CDH11: variants seen among roughly 807,000 people sequenced by gnomAD.
CDH11 encodes the protein cadherin 11, also known as cadherin-11.
In CDH11, 11 loss-of-function variants were observed where a neutral mutation model predicts 67.8. The ratio of observed to expected loss-of-function variants is 0.16; its 90% CI spans 0.10 to 0.27. The LOEUF (loss-of-function observed/expected upper bound fraction) is 0.27, where lower values mean the gene tolerates loss of function less well. CDH11 is among the 10% of genes least tolerant of loss of function. CDH11 has a pLI of 1.00. For synonymous variants in CDH11, 419 were observed against 400.0 expected (o/e 1.05, Z -0.57); for missense variants, 847 against 1,031.2 (o/e 0.82, Z 2.45).
Position 64,972,972 on chromosome 16 carries a change from T to C in CDH11, c.1322A>G (p.Lys441Arg), listed in dbSNP as rs1176026912. ...CTCTCTATCCAGAGGTTTTGTAGTT[T>C]TAATAAAACCATCCTCTGGATTAAT... ...FTINPEDGFI[K>R]TTKPLDREET... Residue 441 changes from lysine (K) to arginine (R), a missense_variant, in exon 9 of 13, where the codon AAA (lysine) becomes AGA (arginine). Physicochemically the swap from Lys to Arg is conservative, Grantham distance 26 (BLOSUM62 2). Transcript: ENST00000268603. 6.2e-7 allele frequency: 1 copy of C among 1,613,678 alleles called. No individual in the cohort carries two copies. The highest frequency in any genetic ancestry group is 2.2e-5 in the East Asian group (1 of 44,862).
At chr16:65,102,857 G>C (rs983542258) in intron 1 of CDH11, among the ~76,000 whole-genome samples, 46 of 152,254 alleles carry the variant, frequency 3.0e-4, no homozygotes. Flanking sequence ...GAGCAATGGA[G>C]CAAAAAATGC....
chr16:64,949,143 G>A (rs1177493554), intron 12 of CDH11, among the ~76,000 whole-genome samples: 2 of 151,924 alleles, frequency 1.3e-5, no homozygotes, highest in South Asian at 4.1e-4. Context: ...TACACTTCCT[G>A]GCCTGCCATC....
intron 11 of CDH11, among the ~76,000 whole-genome samples, chr16:64,959,129 T>C (rs1176553502): frequency 4.6e-5 from 7 of 152,244 alleles, no homozygotes; most frequent in African/African-American, 9.6e-5. Flanking sequence ...CACACCACTG[T>C]TCTTCCAATT....
intron 1 of CDH11, among the ~76,000 whole-genome samples, chr16:65,073,422 AG>A (rs1597160264): frequency 1.3e-5 from 2 of 152,158 alleles, no homozygotes; most frequent in Non-Finnish European, 2.9e-5. Context: ...CTGGGATTAC[AG>A]GTATGAGCCA....
At chr16:65,079,265 T>C (rs2074568745) in intron 1 of CDH11, among the ~76,000 whole-genome samples, 1 of 152,212 alleles carries the variant, frequency 6.6e-6, no homozygotes, top group African/African-American at 2.4e-5. Context: ...ATGACAGATC[T>C]ATTTAAGGGC....
chr16:65,054,804 C>A (rs1348108004), intron 1 of CDH11, among the ~76,000 whole-genome samples: 1 of 152,172 alleles, frequency 6.6e-6, no homozygotes, highest in South Asian at 2.1e-4. Context: ...ATCAACTCAG[C>A]CTGCATTAGG....
intron 2 of CDH11, among the ~76,000 whole-genome samples, chr16:65,043,322 C>T (rs957032437): frequency 2.0e-5 from 3 of 151,396 alleles, no homozygotes; most frequent in Non-Finnish European, 2.9e-5. Flanking sequence ...GGGACGCTGA[C>T]TCTGAGATGG....
At chr16:65,082,510 TCTGA>T (rs1567568141) in intron 1 of CDH11, among the ~76,000 whole-genome samples, 1 of 152,178 alleles carries the variant, frequency 6.6e-6, no homozygotes, top group African/African-American at 2.4e-5. Context: ...CAGGGCTCTC[TCTGA>T]CTGGTCATTG....
chr16:64,992,245 A>G (rs1475627873), intron 5 of CDH11, among the ~76,000 whole-genome samples: 2 of 152,230 alleles, frequency 1.3e-5, no homozygotes, highest in Non-Finnish European at 2.9e-5. Context: ...ATGAATATCC[A>G]TGACTAAACT....
intron 2 of CDH11, among the ~76,000 whole-genome samples, chr16:65,011,081 T>C (rs990617485): frequency 6.9e-5 from 9 of 129,752 alleles, no homozygotes; most frequent in African/African-American, 2.2e-4. Flanking sequence ...TATGTATATA[T>C]ACACACACAT....
At chr16:65,084,388 G>A (rs1351487352) in intron 1 of CDH11, among the ~76,000 whole-genome samples, 11 of 152,034 alleles carry the variant, frequency 7.2e-5, no homozygotes, top group Non-Finnish European at 1.6e-4. Context: ...CCCAGGAGGT[G>A]GAGGTTGCAG....
At chr16:65,069,009 A>G (rs1184567305) in intron 1 of CDH11, among the ~76,000 whole-genome samples, 1 of 152,248 alleles carries the variant, frequency 6.6e-6, no homozygotes, top group Non-Finnish European at 1.5e-5. Flanking sequence ...GACTCCAAAC[A>G]GAAAAACTCA....
At chr16:64,979,957 T>A (rs559253726) in intron 8 of CDH11, among the ~76,000 whole-genome samples, 2 of 152,168 alleles carry the variant, frequency 1.3e-5, no homozygotes, top group African/African-American at 4.8e-5. Flanking sequence ...CATGCAAAAA[T>A]TCAGTTACAT....
chr16:64,973,593 G>A (rs1357303959), intron 8 of CDH11, among the ~76,000 whole-genome samples: 1 of 152,090 alleles, frequency 6.6e-6, no homozygotes, highest in Non-Finnish European at 1.5e-5. Flanking sequence ...ATCATTTGAG[G>A]CCAGGAGTTC....
intron 1 of CDH11, among the ~76,000 whole-genome samples, chr16:65,113,250 C>T (rs1463568221): frequency 6.7e-6 from 1 of 150,014 alleles, no homozygotes; most frequent in Non-Finnish European, 1.5e-5. Flanking sequence ...CTTACCATTG[C>T]ACTCCAGCCT....
At chr16:65,088,676 T>C (rs559073695) in intron 1 of CDH11, among the ~76,000 whole-genome samples, 1 of 152,180 alleles carries the variant, frequency 6.6e-6, no homozygotes, top group Non-Finnish European at 1.5e-5. Flanking sequence ...TTTTATCAGC[T>C]ATATTAAGGT....
At position 64,982,188 on chromosome 16, in the gene CDH11, C is replaced by G. The variant is rs764049307; in HGVS notation, c.1113G>C (p.Lys371Asn). 3 of 1,614,114 alleles carry G rather than the reference C, an allele frequency of 1.9e-6. No individual in the cohort carries two copies. The highest frequency in any genetic ancestry group is 2.5e-6 in the Non-Finnish European group (3 of 1,179,988). The change falls in exon 8 of 13, where the codon AAG becomes AAC. Residue 371 changes from lysine to asparagine, a missense_variant. By Grantham distance (94) the Lys-to-Asn change is moderately conservative (BLOSUM62 0). Coordinates refer to ENST00000268603, the MANE Select transcript of CDH11 (RefSeq NM_001797.4). ...GCTCATCAGCATCTTCTACTGAGAT[C>G]TTGACGGTCACAGTGTCCTTGAAAG... ...NGPFKDTVTV[K>N]ISVEDADEPP...
chr16:64,945,912 G>A lies in CDH11; in HGVS notation c.*1691C>T, dbSNP rs1211778267. 26 of 1,058,368 alleles carry A rather than the reference G, an allele frequency of 2.5e-5. No individual in the cohort carries two copies. Among genetic ancestry groups the A allele is most frequent in the Non-Finnish European group, 2.3e-5 (20 of 875,052 alleles). 65.6% of individuals were successfully genotyped at this position (1,058,368 alleles called of 1,614,324 possible). A position where few individuals can be genotyped will look rare whatever the true frequency, so the allele number is the denominator to read the frequency against. ...GTGCCCTGTGTGTAGGGGGAAAGAGGGAAAGCACTTGCAGTGTGACTTTAT... is the reference window on the plus strand; with the variant it reads ...GTGCCCTGTGTGTAGGGGGAAAGAGAGAAAGCACTTGCAGTGTGACTTTAT... On this transcript the variant is annotated 3_prime_UTR_variant, in exon 13 of 13. Transcript: ENST00000268603.
chr16:64,950,626 C>CCCACCCCCCCTCTTTTTT, intron 12 of CDH11, 141 bp downstream of exon 12: 1 of 990,992 alleles, frequency 1.0e-6, no homozygotes, highest in South Asian at 1.7e-5. Flanking sequence ...ACCCCGCCCC[C>CCCACCCCCCCTCTTTTTT]GTACCCCACT....
Sources: allele counts gnomAD v4.1 joint callset (sites outside exome capture counted in the v4.1 genomes callset), GRCh38; gene constraint gnomAD v4.1.1; transcripts MANE v1.5; gene names NCBI Gene and HGNC (gene_info 2026-07-23, HGNC 2026-07-21).